The following FARS2 variants were observed in gnomAD, a reference collection of about 807,000 sequenced individuals.
FARS2 encodes the protein phenylalanine--tRNA ligase, mitochondrial.
In FARS2, 40 loss-of-function variants were observed where a neutral mutation model predicts 46.4. The ratio of observed to expected loss-of-function variants is 0.86; its 90% CI spans 0.67 to 1.12. The LOEUF (loss-of-function observed/expected upper bound fraction) is 1.12, where lower values mean the gene tolerates loss of function less well. FARS2 is among the 50% of genes most tolerant of loss of function. The pLI, the probability that FARS2 is intolerant of heterozygous loss-of-function variation, is 0.00. For missense variants in FARS2, 513 were observed against 567.9 expected, an observed-to-expected ratio of 0.90 and a Z score of 0.98; for synonymous variants, 234 against 214.9, an observed-to-expected ratio of 1.09 and a Z score of -0.78.
chr6:5,661,636 A>G (rs777674741), intron 6 of FARS2, among the ~76,000 whole-genome samples: 73 of 152,324 alleles, frequency 4.8e-4, no homozygotes, highest in Admixed American at 9.8e-4. Context: ...ATGATCAACA[A>G]AAAGCCATTG....
intron 4 of FARS2, chr6:5,452,485 C>T (rs1167060347): frequency 6.6e-6 from 1 of 152,264 alleles, no homozygotes; most frequent in Non-Finnish European, 1.5e-5. Context: ...TTCAGCATTT[C>T]CCAAAGGGAC....
At chr6:5,522,123 A>G (rs970680096) in intron 4 of FARS2, among the ~76,000 whole-genome samples, 1 of 152,142 alleles carries the variant, frequency 6.6e-6, no homozygotes, top group South Asian at 2.1e-4. Flanking sequence ...TAATTCATTG[A>G]CACTTTATTT....
At chr6:5,639,421 T>C (rs1180100836) in intron 6 of FARS2, among the ~76,000 whole-genome samples, 1 of 152,212 alleles carries the variant, frequency 6.6e-6, no homozygotes, top group African/African-American at 2.4e-5. Context: ...TTACACCCTG[T>C]ACTTAAAAGA....
rs1384878541 is a variant in FARS2, at chr6:5,392,922, ATACATATATG to A, written c.613-11618_613-11609del. 5.9e-4 allele frequency among the ~76,000 whole-genome samples: 33 copies of A among 55,878 alleles called. 2 individuals are homozygous for A. Among genetic ancestry groups the A allele is most frequent in the African/African-American group, 5.6e-5 (1 of 17,750 alleles). The allele number at this position is 55,878 out of a possible 152,430, so 36.7% of individuals were successfully genotyped here. The stretch of plus-strand genomic sequence containing the variant: ...GTGTATATATTATATATATGTATAT[ATACATATATG>A]TGTGTGTGTATATATATATACACAT... On this transcript the variant is annotated intron_variant, in intron 2 of 6. Transcript: ENST00000274680.
At chr6:5,292,228 A>G (rs1334307095) in intron 1 of FARS2, among the ~76,000 whole-genome samples, 2 of 152,240 alleles carry the variant, frequency 1.3e-5, no homozygotes, top group East Asian at 3.8e-4. Context: ...TATTCAGGAA[A>G]TAAATTATGA....
chr6:5,482,514 G>T (rs1480012481), intron 4 of FARS2, among the ~76,000 whole-genome samples: 1 of 152,132 alleles, frequency 6.6e-6, no homozygotes. Context: ...TGGATTTCTA[G>T]GGATGCTCTT....
At chr6:5,573,439 T>C (rs1171535715) in intron 5 of FARS2, among the ~76,000 whole-genome samples, 1 of 152,196 alleles carries the variant, frequency 6.6e-6, no homozygotes, top group Non-Finnish European at 1.5e-5. Context: ...CACGTGTGTG[T>C]ATAATTTTAT....
chr6:5,264,729 AGAT>A (rs1382468369), intron 1 of FARS2, among the ~76,000 whole-genome samples: 3 of 152,094 alleles, frequency 2.0e-5, no homozygotes, highest in African/African-American at 7.2e-5. Context: ...ATATTATATA[AGAT>A]GATATAGTCA....
At chr6:5,680,810 C>A (rs1341804562) in intron 6 of FARS2, among the ~76,000 whole-genome samples, 1 of 147,962 alleles carries the variant, frequency 6.8e-6, no homozygotes, top group Non-Finnish European at 1.5e-5. Context: ...AAAATTTGTT[C>A]TAATAGAAAA....
chr6:5,603,933 G>C (rs186205851), intron 5 of FARS2, among the ~76,000 whole-genome samples: 2 of 152,242 alleles, frequency 1.3e-5, no homozygotes, highest in African/African-American at 4.8e-5. Flanking sequence ...CCAGTTAAAG[G>C]CTGCAGCTCA....
chr6:5,539,246 G>T (rs1039122147), intron 4 of FARS2, among the ~76,000 whole-genome samples: 1 of 150,860 alleles, frequency 6.6e-6, no homozygotes, highest in Non-Finnish European at 1.5e-5. Flanking sequence ...TCGCTCTGTG[G>T]CCCAGACTGG....
intron 2 of FARS2, among the ~76,000 whole-genome samples, chr6:5,378,560 T>G (rs1759538493): frequency 6.6e-6 from 1 of 152,230 alleles, no homozygotes; most frequent in Admixed American, 6.5e-5. Context: ...TCTTTATTCC[T>G]GCTTTCTGCT....
chr6:5,605,636 A>G (rs1182237738), intron 5 of FARS2, among the ~76,000 whole-genome samples: 1 of 152,200 alleles, frequency 6.6e-6, no homozygotes, highest in Non-Finnish European at 1.5e-5. Context: ...AAGCCTGCCC[A>G]CCCAAATTCC....
intron 1 of FARS2, among the ~76,000 whole-genome samples, chr6:5,321,408 GGAGGAA>G (rs1769964958): frequency 6.6e-6 from 1 of 152,144 alleles, no homozygotes; most frequent in South Asian, 2.1e-4. Context: ...CATGAAGAGG[GGAGGAA>G]ACAGTGTGAG....
At chr6:5,609,160 C>T (rs1404193713) in intron 5 of FARS2, 5 of 811,710 alleles carry the variant, frequency 6.2e-6, no homozygotes, top group Middle Eastern at 3.4e-4. Flanking sequence ...GTTCACAAAT[C>T]CGTTGTAACC....
chr6:5,391,142 A>C (rs780581059), intron 2 of FARS2, among the ~76,000 whole-genome samples: 2 of 152,106 alleles, frequency 1.3e-5, no homozygotes, highest in Non-Finnish European at 2.9e-5. Context: ...TATTCATCTG[A>C]CCCTATTGCC....
chr6:5,435,605 G>T (rs2127777405), intron 4 of FARS2, among the ~76,000 whole-genome samples: 1 of 152,254 alleles, frequency 6.6e-6, no homozygotes, highest in South Asian at 2.1e-4. Context: ...CCTTAGGGAG[G>T]TATTTTGAGG....
chr6:5,279,817 G>C (rs1308496782), intron 1 of FARS2, among the ~76,000 whole-genome samples: 2 of 152,084 alleles, frequency 1.3e-5, no homozygotes, highest in African/African-American at 2.4e-5. Context: ...TTCTATTCAG[G>C]ACCTCAGTGA....
intron 6 of FARS2, among the ~76,000 whole-genome samples, chr6:5,707,963 A>G (rs572215554): frequency 1.6e-4 from 24 of 152,196 alleles, no homozygotes; most frequent in Non-Finnish European, 3.2e-4. Context: ...GGCAAATATC[A>G]TGGAATCTTA....
Sources: gnomAD v4.1 joint callset for allele counts (sites outside exome capture counted in the v4.1 genomes callset) on GRCh38, gnomAD v4.1.1 for gene constraint, MANE v1.5 for transcripts, NCBI Gene and HGNC (gene_info 2026-07-23, HGNC 2026-07-21) for gene names.